The following PCCA variants were observed in gnomAD, a reference collection of about 807,000 sequenced individuals.
The protein encoded by PCCA is propionyl-CoA carboxylase alpha chain, mitochondrial.
PCCA carries 74 observed loss-of-function variants against 101.3 expected under a neutral mutation model. The ratio of observed to expected loss-of-function variants is 0.73; its 90% CI spans 0.61 to 0.89. PCCA has a LOEUF of 0.89. Ranked by LOEUF, PCCA falls within the 40% of genes least tolerant of loss-of-function variation. PCCA has a pLI of 0.00. For missense variants in PCCA, 891 were observed against 907.0 expected, an observed-to-expected ratio of 0.98 and a Z score of 0.23; for synonymous variants, 294 against 313.6, an observed-to-expected ratio of 0.94 and a Z score of 0.66.
At chr13:100,438,824 T>A (rs916100683) in intron 20 of PCCA, among the ~76,000 whole-genome samples, 28 of 152,154 alleles carry the variant, frequency 1.8e-4, no homozygotes, top group Non-Finnish European at 3.5e-4. Context: ...TTTGCATTTA[T>A]GGCCCTTTCA....
At chr13:100,475,976 C>A (rs113515479) in intron 21 of PCCA, among the ~76,000 whole-genome samples, 3,055 of 152,200 alleles carry the variant, frequency 0.02, 109 homozygotes, top group African/African-American at 0.07. Flanking sequence ...CTTGACCCCC[C>A]AAAAGCAACA....
At chr13:100,180,756 A>C (rs1225361575) in intron 6 of PCCA, among the ~76,000 whole-genome samples, 1 of 152,260 alleles carries the variant, frequency 6.6e-6, no homozygotes, top group Non-Finnish European at 1.5e-5. Context: ...TGCTTAAATG[A>C]ATGCATGTAT....
intron 21 of PCCA, chr13:100,464,386 AG>A (rs2082366095): frequency 6.6e-6 from 1 of 152,222 alleles, no homozygotes; most frequent in Non-Finnish European, 1.5e-5. Context: ...GGAGATGGCA[AG>A]GGCTGAAAAA....
chr13:100,344,760 A>G (rs1595474349), intron 18 of PCCA, among the ~76,000 whole-genome samples: 1 of 152,090 alleles, frequency 6.6e-6, no homozygotes, highest in African/African-American at 2.4e-5. Context: ...CAGATATTGC[A>G]TTTTTTACGG....
intron 9 of PCCA, among the ~76,000 whole-genome samples, chr13:100,257,936 T>A (rs1233476684): frequency 2.6e-5 from 4 of 152,200 alleles, no homozygotes; most frequent in Non-Finnish European, 5.9e-5. Context: ...CGTATATTTT[T>A]AAAAATTACA....
intron 6 of PCCA, among the ~76,000 whole-genome samples, chr13:100,164,462 A>T (rs1375085854): frequency 6.6e-6 from 1 of 152,166 alleles, no homozygotes; most frequent in Non-Finnish European, 1.5e-5. Flanking sequence ...AGGCTGTTTC[A>T]GCAACTGGGC....
chr13:100,127,700 G>A (rs183796890), intron 4 of PCCA, among the ~76,000 whole-genome samples: 17 of 151,632 alleles, frequency 1.1e-4, no homozygotes, highest in African/African-American at 4.1e-4. Context: ...AGACCATCCT[G>A]GCTAACACAG....
At chr13:100,427,732 TAAA>T (rs79186516) in intron 20 of PCCA, among the ~76,000 whole-genome samples, 2 of 132,218 alleles carry the variant, frequency 1.5e-5, no homozygotes, top group Non-Finnish European at 3.3e-5. Flanking sequence ...GTCGTTTACC[TAAA>T]AAAAAAAAAA....
intron 19 of PCCA, among the ~76,000 whole-genome samples, chr13:100,419,823 G>T (rs1325953845): frequency 6.6e-6 from 1 of 152,266 alleles, no homozygotes; most frequent in East Asian, 1.9e-4. Context: ...TTCGATTTTG[G>T]TAAAGAGAAG....
intron 16 of PCCA, among the ~76,000 whole-genome samples, chr13:100,328,977 C>A (rs557414114): frequency 6.6e-6 from 1 of 150,376 alleles, no homozygotes; most frequent in Non-Finnish European, 1.5e-5. Context: ...CAAGTGTGAG[C>A]CACCGCGCCT....
intron 4 of PCCA, among the ~76,000 whole-genome samples, chr13:100,152,476 T>G (rs562773878): frequency 1.2e-4 from 19 of 152,176 alleles, no homozygotes; most frequent in Middle Eastern, 3.4e-3. Context: ...AGACAGAGTC[T>G]CACTCTGTTG....
intron 9 of PCCA, among the ~76,000 whole-genome samples, chr13:100,260,628 C>G (rs1356314131): frequency 6.6e-6 from 1 of 151,898 alleles, no homozygotes; most frequent in African/African-American, 2.4e-5. Flanking sequence ...AACTCCTGAG[C>G]TCAGGCAATC....
chr13:100,206,291 G>A (rs577437120), intron 6 of PCCA, among the ~76,000 whole-genome samples: 2 of 152,174 alleles, frequency 1.3e-5, no homozygotes, highest in Non-Finnish European at 2.9e-5. Context: ...TCTGGAGACA[G>A]AGTCTCACTC....
chr13:100,102,451 A>C (rs952423340), intron 1 of PCCA, among the ~76,000 whole-genome samples: 2 of 152,260 alleles, frequency 1.3e-5, no homozygotes, highest in Non-Finnish European at 2.9e-5. Context: ...GAAATAAGAA[A>C]TCATGCTGAA....
At chr13:100,404,088 G>A (rs1453718732) in intron 19 of PCCA, among the ~76,000 whole-genome samples, 1 of 152,232 alleles carries the variant, frequency 6.6e-6, no homozygotes, top group African/African-American at 2.4e-5. Context: ...GGCAGAAGGG[G>A]CCGTTGTCAG....
chr13:100,487,384 G>A (rs2084470188), intron 21 of PCCA, among the ~76,000 whole-genome samples: 1 of 152,122 alleles, frequency 6.6e-6, no homozygotes, highest in Admixed American at 6.5e-5. Flanking sequence ...TCAAATCACT[G>A]AATGACGTGT....
At chr13:100,107,995 A>T (rs1390262783) in intron 2 of PCCA, among the ~76,000 whole-genome samples, 2 of 152,122 alleles carry the variant, frequency 1.3e-5, no homozygotes, top group Non-Finnish European at 2.9e-5. Context: ...ATTGTGCTGT[A>T]TCCTTTCTCA....
At chr13:100,335,695 G>A (rs965475253) in intron 17 of PCCA, among the ~76,000 whole-genome samples, 3 of 152,152 alleles carry the variant, frequency 2.0e-5, no homozygotes, top group African/African-American at 7.2e-5. Flanking sequence ...AGGATCGAGG[G>A]AACATGGACA....
At chr13:100,289,357 C>G (rs2064949370) in intron 12 of PCCA, among the ~76,000 whole-genome samples, 1 of 151,982 alleles carries the variant, frequency 6.6e-6, no homozygotes, top group South Asian at 2.1e-4. Context: ...ACATATTGCC[C>G]AGGCTTGTCT....
Sources: gnomAD v4.1 joint callset for allele counts (sites outside exome capture counted in the v4.1 genomes callset) on GRCh38, gnomAD v4.1.1 for gene constraint, MANE v1.5 for transcripts, NCBI Gene and HGNC (gene_info 2026-07-23, HGNC 2026-07-21) for gene names.